COQ2: variants seen among roughly 807,000 people sequenced by gnomAD.
COQ2 encodes the protein coenzyme Q2, polyprenyltransferase, also known as 4-hydroxybenzoate polyprenyltransferase, mitochondrial.
COQ2 carries 25 observed loss-of-function variants against 35.7 expected under a neutral mutation model. That is an observed-to-expected ratio of 0.70 (90% CI 0.51 to 0.98). COQ2 has a LOEUF of 0.98. Ranked by LOEUF, COQ2 falls within the 50% of genes least tolerant of loss-of-function variation. The pLI is 0.00. For missense variants in COQ2, 488 were observed against 473.5 expected, an observed-to-expected ratio of 1.03 and a Z score of -0.28; for synonymous variants, 206 against 186.2, an observed-to-expected ratio of 1.11 and a Z score of -0.86.
Position 83,272,025 on chromosome 4 carries a change from C to A in COQ2, c.628+62G>T, listed in dbSNP as rs970546249. On this transcript the variant is annotated intron_variant, in intron 4 of 6. Transcript: ENST00000647002. Reference sequence around the variant, plus strand: ...ATTTCATCTTTACCTATTTACCTATCTCTCCATAAAAGTGTAGTTTGCAAA... The same window carrying A: ...ATTTCATCTTTACCTATTTACCTATATCTCCATAAAAGTGTAGTTTGCAAA... 7 of 1,044,250 alleles carry A rather than the reference C, an allele frequency of 6.7e-6. No homozygotes were observed. In the African/African-American group the frequency reaches 1.1e-4, roughly 17 times the overall value. The allele number at this position is 1,044,250 out of a possible 1,614,324, so 64.7% of individuals were successfully genotyped here. A position where few individuals can be genotyped will look rare whatever the true frequency, so the allele number is the denominator to read the frequency against.
At chr4:83,279,173 T>C in intron 1 of COQ2, 59 bp from the exon 2 acceptor site, 2 of 1,481,066 alleles carry the variant, frequency 1.4e-6, no homozygotes, top group Non-Finnish European at 1.8e-6. Context: ...CTGTTTTCAT[T>C]TGTTTAAACA....
chr4:83,284,302 C>G, intron 1 of COQ2: 1 of 985,304 alleles, frequency 1.0e-6, no homozygotes. Context: ...GGGCGCACGG[C>G]AGCCGGCAGC....
At chr4:83,278,915 G>C in intron 2 of COQ2, 33 bp downstream of exon 2, 1 of 1,532,116 alleles carries the variant, frequency 6.5e-7, no homozygotes, top group Non-Finnish European at 8.8e-7. Flanking sequence ...GAATTGAGAA[G>C]AGCCTCTCTA....
chr4:83,279,202 A>G (rs1031928980), intron 1 of COQ2, 88 bp from the exon 2 acceptor site: 44 of 1,406,332 alleles, frequency 3.1e-5, no homozygotes, highest in Non-Finnish European at 4.0e-5. Flanking sequence ...CAAAGAAATA[A>G]AGAACACTAT....
In COQ2 at chr4:83,272,184, A is replaced by T. The variant is rs1306821548; in HGVS notation, c.543-12T>A. ...CTCCCAGAGCTATACTGAAAAGAGG[A>T]AAAACCATTAAAGTGATTATTACCA... On this transcript the variant is annotated splice_polypyrimidine_tract_variant and intron_variant, in intron 3 of 6. Transcript: ENST00000647002. The T allele has an allele frequency of 6.4e-7, 1 of 1,571,254 alleles. No individual in the cohort carries two copies. The highest frequency in any genetic ancestry group is 8.7e-7 in the Non-Finnish European group (1 of 1,148,018).
At chr4:83,265,815 C>A (rs370542776) in intron 6 of COQ2, among the ~76,000 whole-genome samples, 2 of 151,924 alleles carry the variant, frequency 1.3e-5, no homozygotes, top group South Asian at 2.1e-4. Flanking sequence ...CAGGTGCACA[C>A]CACCATGCCC....
chr4:83,273,487 T>C lies in COQ2; in HGVS notation c.542+9A>G. ...ATTTTATACATGATGTGGAAAACGT[T>C]TAATATACCTGTAGTAATTTAGACA... is the stretch of plus-strand genomic sequence containing the variant. On this transcript the variant is annotated intron_variant, in intron 3 of 6. Transcript: ENST00000647002. The C allele has an allele frequency of 6.2e-7, 1 of 1,605,900 alleles. No homozygotes were observed. The highest frequency in any genetic ancestry group is 8.5e-7 in the Non-Finnish European group (1 of 1,177,456).
At position 83,284,554 on chromosome 4, in the gene COQ2, G is replaced by C. The variant is rs1254513394; in HGVS notation, c.211C>G (p.Leu71Val). The C allele has an allele frequency of 2.2e-5, 34 of 1,570,550 alleles. No homozygotes were observed. The East Asian group carries it at 7.9e-4, about 36-fold the overall frequency. The part of the protein sequence containing the change: ...AAVVDSAPRP[L>V]QPYLRLMRLD... Reference sequence around the variant, plus strand: ...CGCATGAGGCGCAAGTACGGCTGCAGGGGGCGGGGCGCAGAGTCCACCACC... The same window carrying C: ...CGCATGAGGCGCAAGTACGGCTGCACGGGGCGGGGCGCAGAGTCCACCACC... The change falls in exon 1 of 7, where the codon CTG (leucine) becomes GTG (valine). Residue 71 changes from leucine to valine, a missense_variant. Leu to Val is a conservative substitution (Grantham distance 32). Coordinates refer to ENST00000647002, the MANE Select transcript of COQ2 (RefSeq NM_001358921.2).
At chr4:83,284,811 C>A, upstream of COQ2, 2 of 1,567,432 alleles carry the variant, frequency 1.3e-6, no homozygotes, top group Non-Finnish European at 1.7e-6. Context: ...CATTCCCCGG[C>A]AGGCATGCGC....
intron 6 of COQ2, among the ~76,000 whole-genome samples, chr4:83,265,858 T>C (rs1452883589): frequency 6.6e-6 from 1 of 151,932 alleles, no homozygotes; most frequent in Non-Finnish European, 1.5e-5. Flanking sequence ...AGAGACAGGG[T>C]TTATCCATGT....
intron 4 of COQ2, among the ~76,000 whole-genome samples, chr4:83,271,846 G>A (rs1396796426): frequency 6.6e-6 from 1 of 151,940 alleles, no homozygotes; most frequent in African/African-American, 2.4e-5. Flanking sequence ...TAGGGGAGGG[G>A]AGCAGTGGGG....
At chr4:83,270,039 T>C (rs1312755563) in intron 4 of COQ2, 46 bp from the exon 5 acceptor site, 6 of 1,599,598 alleles carry the variant, frequency 3.8e-6, no homozygotes, top group Middle Eastern at 1.7e-4. Flanking sequence ...GTATGTACTT[T>C]AGAATCCTAA....
intron 1 of COQ2, 130 bp downstream of exon 1, chr4:83,284,382 G>A (rs1577993477): frequency 4.3e-6 from 6 of 1,410,152 alleles, no homozygotes; most frequent in East Asian, 3.0e-5. Context: ...CACGGCACCC[G>A]GCAGCCAAGC....
chr4:83,276,799 C>T (rs990502184), intron 2 of COQ2, among the ~76,000 whole-genome samples: 6 of 152,122 alleles, frequency 3.9e-5, no homozygotes, highest in African/African-American at 1.4e-4. Context: ...ACCAAAGTGT[C>T]CATCAATGGA....
intron 2 of COQ2, among the ~76,000 whole-genome samples, chr4:83,277,023 A>T (rs1735200421): frequency 1.4e-5 from 2 of 142,082 alleles, no homozygotes; most frequent in Non-Finnish European, 3.1e-5. Flanking sequence ...AATAATAGAC[A>T]CTGGAGACTC....
At chr4:83,280,877 A>G (rs773293339) in intron 1 of COQ2, among the ~76,000 whole-genome samples, 1 of 152,366 alleles carries the variant, frequency 6.6e-6, no homozygotes, top group Non-Finnish European at 1.5e-5. Context: ...GAGTGCTCAC[A>G]AAGCATCAGG....
intron 2 of COQ2, among the ~76,000 whole-genome samples, chr4:83,276,894 T>C (rs1735198273): frequency 6.6e-6 from 1 of 152,082 alleles, no homozygotes; most frequent in Admixed American, 6.5e-5. Flanking sequence ...TGCAGCAACA[T>C]GGATGGAACT....
At chr4:83,267,890 C>G (rs1734961285) in intron 5 of COQ2, 116 bp from the exon 6 acceptor site, 15 of 774,704 alleles carry the variant, frequency 1.9e-5, no homozygotes, top group Non-Finnish European at 2.8e-5. Flanking sequence ...GTTGTGCAAC[C>G]AATTACCACT....
intron 1 of COQ2, among the ~76,000 whole-genome samples, chr4:83,279,713 G>GGACAGGA (rs1217205047): frequency 4.6e-5 from 7 of 152,004 alleles, no homozygotes; most frequent in African/African-American, 1.7e-4. Flanking sequence ...GGAACTGCAT[G>GGACAGGA]GACAGGAGAC....
Sources: allele counts gnomAD v4.1 joint callset (sites outside exome capture counted in the v4.1 genomes callset), GRCh38; gene constraint gnomAD v4.1.1; transcripts MANE v1.5; gene names NCBI Gene and HGNC (gene_info 2026-07-23, HGNC 2026-07-21).